The following THSD7B variants were observed in gnomAD, a reference collection of about 807,000 sequenced individuals.
THSD7B encodes the protein thrombospondin type 1 domain containing 7B, also known as thrombospondin type-1 domain-containing protein 7B.
A neutral mutation model predicts 213.6 loss-of-function variants in THSD7B; 138 were observed. The ratio of observed to expected loss-of-function variants is 0.65; its 90% CI spans 0.56 to 0.74. THSD7B has a LOEUF of 0.74. THSD7B is among the 30% of genes least tolerant of loss of function. THSD7B has a pLI of 0.00. For synonymous variants in THSD7B, 742 were observed against 687.0 expected, an observed-to-expected ratio of 1.08 and a Z score of -1.25; for missense variants, 1,931 against 1,991.5, an observed-to-expected ratio of 0.97 and a Z score of 0.58.
intron 15 of THSD7B, among the ~76,000 whole-genome samples, chr2:137,451,648 A>G (rs978751211): frequency 6.6e-6 from 1 of 152,060 alleles, no homozygotes; most frequent in Non-Finnish European, 1.5e-5. Context: ...CTAAGCAATC[A>G]AAGTTGATTA....
At chr2:136,905,236 C>T (rs1684139269) in intron 2 of THSD7B, among the ~76,000 whole-genome samples, 1 of 152,170 alleles carries the variant, frequency 6.6e-6, no homozygotes. Context: ...TACCTTCATT[C>T]CTTTAGTTGG....
rs566235639 is a variant in THSD7B, at chr2:136,811,759, G to A, written c.-36+46072G>A. Among the ~76,000 whole-genome samples, 78 of 152,204 alleles carry A rather than the reference G, an allele frequency of 5.1e-4. No homozygotes were observed. The Middle Eastern group carries it at 0.01, about 20-fold the overall frequency. On this transcript the variant is annotated intron_variant, in intron 1 of 27. Coordinates refer to ENST00000409968, the MANE Select transcript of THSD7B (RefSeq NM_001316349.2). ...ACCGTCGGGAAATTTTACACAAGAC[G>A]TATGATTTCTGGGTTCTGCTGAAAT...
chr2:137,237,113 C>CAAA (rs70978209), intron 9 of THSD7B, among the ~76,000 whole-genome samples: 43 of 109,438 alleles, frequency 3.9e-4, no homozygotes, highest in East Asian at 1.2e-3. Context: ...AACTCCGTCT[C>CAAA]AAAAAAAAAA....
chr2:137,380,006 TA>T (rs1326546600), intron 12 of THSD7B, among the ~76,000 whole-genome samples: 1 of 152,228 alleles, frequency 6.6e-6, no homozygotes, highest in East Asian at 1.9e-4. Flanking sequence ...ATGCATGTCC[TA>T]ACTCTGGTAG....
intron 12 of THSD7B, among the ~76,000 whole-genome samples, chr2:137,313,572 T>A (rs1451503562): frequency 6.6e-6 from 1 of 151,190 alleles, no homozygotes; most frequent in Non-Finnish European, 1.5e-5. Context: ...GTGATTTTGC[T>A]CATTAGTTGA....
intron 17 of THSD7B, among the ~76,000 whole-genome samples, chr2:137,604,706 T>A (rs1368580965): frequency 6.6e-6 from 1 of 152,200 alleles, no homozygotes; most frequent in Non-Finnish European, 1.5e-5. Context: ...TGTTGAGTTT[T>A]GCACACACTT....
chr2:137,282,136 G>A (rs1437904023), intron 12 of THSD7B, among the ~76,000 whole-genome samples: 8 of 150,626 alleles, frequency 5.3e-5, no homozygotes, highest in African/African-American at 7.3e-5. Context: ...GTTTTGATTT[G>A]CATTTCTCTG....
chr2:137,281,418 A>C (rs1312836910), intron 12 of THSD7B, among the ~76,000 whole-genome samples: 1 of 151,310 alleles, frequency 6.6e-6, no homozygotes, highest in Non-Finnish European at 1.5e-5. Flanking sequence ...TTTTATTATT[A>C]TTATTATACT....
At chr2:137,611,348 C>T (rs2595224) in intron 17 of THSD7B, among the ~76,000 whole-genome samples, 74,414 of 151,704 alleles carry the variant, frequency 0.49, 19,596 homozygotes, top group African/African-American at 0.69. Context: ...TTAATATTGC[C>T]GGCTTTTACC....
intron 1 of THSD7B, among the ~76,000 whole-genome samples, chr2:136,833,433 AT>A (rs56778387): frequency 5.6e-4 from 63 of 112,060 alleles, no homozygotes; most frequent in Admixed American, 1.6e-3. Context: ...ATTATTTTCT[AT>A]TTTTTTTTTT....
In THSD7B at chr2:137,450,915, G is replaced by A; in HGVS notation, c.3030G>A (p.Gly1010=). Residue 1010 remains glycine, a synonymous_variant, in exon 15 of 28, where the codon GGG becomes GGA. Transcript: ENST00000409968. ...AGTTAAGCGATTGGTCTAGTTGGGGGTCTTGCAGTTCATCTTGTGGAATTG... is the reference window on the plus strand; with the variant it reads ...AGTTAAGCGATTGGTCTAGTTGGGGATCTTGCAGTTCATCTTGTGGAATTG... ...DCKLSDWSSW[G]SCSSSCGIGV... 1 of 1,613,504 alleles carries A rather than the reference G, an allele frequency of 6.2e-7. No individual in the cohort carries two copies. The highest frequency in any genetic ancestry group is 1.1e-5 in the South Asian group (1 of 91,020).
intron 1 of THSD7B, among the ~76,000 whole-genome samples, chr2:136,864,035 G>C (rs1019493282): frequency 2.0e-5 from 3 of 152,102 alleles, no homozygotes; most frequent in African/African-American, 7.2e-5. Context: ...TGTCTTTGCT[G>C]CTTAGAGAGG....
intron 3 of THSD7B, among the ~76,000 whole-genome samples, chr2:137,072,839 T>G (rs897077535): frequency 6.6e-6 from 1 of 152,208 alleles, no homozygotes; most frequent in Non-Finnish European, 1.5e-5. Context: ...GTCAAAGGCC[T>G]TTTCTGCATC....
chr2:137,638,831 T>C (rs1172182368), intron 20 of THSD7B, among the ~76,000 whole-genome samples: 3 of 152,108 alleles, frequency 2.0e-5, no homozygotes, highest in African/African-American at 2.4e-5. Flanking sequence ...CCCTAGAGAT[T>C]TGTGAAACTT....
At chr2:137,624,237 C>T (rs1442679441) in intron 20 of THSD7B, among the ~76,000 whole-genome samples, 1 of 152,222 alleles carries the variant, frequency 6.6e-6, no homozygotes, top group Non-Finnish European at 1.5e-5. Flanking sequence ...AAAGGATTCC[C>T]TATTTAATAA....
intron 12 of THSD7B, among the ~76,000 whole-genome samples, chr2:137,278,010 G>A (rs889020624): frequency 5.9e-5 from 9 of 152,116 alleles, no homozygotes; most frequent in African/African-American, 2.2e-4. Flanking sequence ...TTTAGACTCT[G>A]GACAATAAGC....
chr2:137,517,232 G>C (rs1680087681), intron 15 of THSD7B, among the ~76,000 whole-genome samples: 1 of 152,244 alleles, frequency 6.6e-6, no homozygotes, highest in South Asian at 2.1e-4. Context: ...TTTGTGTCAT[G>C]ATCTTGTTTG....
chr2:136,808,778 T>A (rs1682328452), intron 1 of THSD7B, among the ~76,000 whole-genome samples: 1 of 152,238 alleles, frequency 6.6e-6, no homozygotes, highest in Non-Finnish European at 1.5e-5. Context: ...TGGCCACAGT[T>A]AAAGCTACCT....
chr2:136,984,012 A>G lies in THSD7B; in HGVS notation c.140-72408A>G, dbSNP rs537989855. 2.6e-5 allele frequency among the ~76,000 whole-genome samples: 4 copies of G among 152,322 alleles called. No individual in the cohort carries two copies. The South Asian group carries it at 8.3e-4, about 32-fold the overall frequency. On this transcript the variant is annotated intron_variant, in intron 2 of 27. Transcript: ENST00000409968. The stretch of plus-strand genomic sequence containing the variant: ...CATAGCTTTTGCTTTTAAGATAGTA[A>G]CTCTCAAATGGGGAAATATGCCATG...
Sources: allele counts gnomAD v4.1 joint callset (sites outside exome capture counted in the v4.1 genomes callset), GRCh38; gene constraint gnomAD v4.1.1; transcripts MANE v1.5; gene names NCBI Gene and HGNC (gene_info 2026-07-23, HGNC 2026-07-21).